Variants in MTCL3 observed in about 807,000 individuals in gnomAD.
MTCL3 encodes the protein microtubule cross-linking factor 3.
At chr6:127,475,993 T>C in the MTCL3 span, 4 of 1,610,944 alleles carry the variant, frequency 2.5e-6, no homozygotes, top group Non-Finnish European at 3.4e-6. The surrounding 1 kb of genome is among the most constrained non-coding windows in gnomAD (Gnocchi z 7.3). Context: ...CTTGTACTTG[T>C]TGAGCTCCGC....
At chr6:127,515,703 G>C in the MTCL3 span, 2 of 1,573,152 alleles carry the variant, frequency 1.3e-6, no homozygotes, top group East Asian at 2.3e-5. The surrounding 1 kb of genome is among the most constrained non-coding windows in gnomAD (Gnocchi z 4.3). Flanking sequence ...CGGAGGCGAC[G>C]GCCAGGGTCT....
the MTCL3 span, among the ~76,000 whole-genome samples, chr6:127,499,718 T>C: frequency 6.6e-6 from 1 of 152,200 alleles, no homozygotes; most frequent in African/African-American, 2.4e-5. Context: ...TGCCCTGCTC[T>C]GTGCTCCAGG....
chr6:127,475,758 G>C, the MTCL3 span: 1 of 1,604,586 alleles, frequency 6.2e-7, no homozygotes, highest in Non-Finnish European at 8.5e-7. This position sits in a 1 kb window ranked among gnomAD's most constrained non-coding sequence, Gnocchi z 7.3. Flanking sequence ...TCTTGCCCGC[G>C]TCGCTCTCGG....
At chr6:127,515,798 C>T in the MTCL3 span, 3 of 1,608,816 alleles carry the variant, frequency 1.9e-6, no homozygotes, top group Non-Finnish European at 2.5e-6. This position sits in a 1 kb window ranked among gnomAD's most constrained non-coding sequence, Gnocchi z 4.3. Flanking sequence ...GCCGCGGCCG[C>T]CGCCGCTGCC....
At chr6:127,476,118 C>A in the MTCL3 span, 1 of 1,614,146 alleles carries the variant, frequency 6.2e-7, no homozygotes, top group Non-Finnish European at 8.5e-7. The surrounding 1 kb of genome is among the most constrained non-coding windows in gnomAD (Gnocchi z 4.4). Flanking sequence ...CGCTCTGCTC[C>A]CTCATGAGCG....
the MTCL3 span, among the ~76,000 whole-genome samples, chr6:127,487,565 C>A: frequency 6.6e-6 from 1 of 152,114 alleles, no homozygotes; most frequent in East Asian, 1.9e-4. Flanking sequence ...TTCCTCTTTT[C>A]CTTCTATTAC....
chr6:127,509,915 A>G, the MTCL3 span, among the ~76,000 whole-genome samples: 1 of 152,222 alleles, frequency 6.6e-6, no homozygotes, highest in East Asian at 1.9e-4. Context: ...ACATATTGTT[A>G]AACTACTTTT....
At chr6:127,497,433 G>A in the MTCL3 span, among the ~76,000 whole-genome samples, 7 of 152,152 alleles carry the variant, frequency 4.6e-5, no homozygotes, top group South Asian at 4.1e-4. Flanking sequence ...AAAAGACTTG[G>A]GAGCACCCAT....
At chr6:127,506,582 G>A in the MTCL3 span, among the ~76,000 whole-genome samples, 50 of 151,782 alleles carry the variant, frequency 3.3e-4, no homozygotes, top group Admixed American at 5.2e-4. Context: ...CCCCTCCCCC[G>A]TCTTTATTTA....
chr6:127,484,370 T>G, the MTCL3 span, among the ~76,000 whole-genome samples: 13 of 152,282 alleles, frequency 8.5e-5, no homozygotes, highest in East Asian at 5.8e-4. Context: ...GAAGAAGTTC[T>G]TTCTGTTGCT....
chr6:127,516,005 G>A, the MTCL3 span: 1 of 1,595,046 alleles, frequency 6.3e-7, no homozygotes, highest in Non-Finnish European at 8.5e-7. Flanking sequence ...CCCCTCTGCT[G>A]AGCGCGTACG....
the MTCL3 span, among the ~76,000 whole-genome samples, chr6:127,503,810 T>G: frequency 0.011 from 1,641 of 152,278 alleles, 18 homozygotes; most frequent in Non-Finnish European, 0.019. Context: ...TCTACTTCCT[T>G]TTCATCATGT....
chr6:127,503,170 T>A, the MTCL3 span, among the ~76,000 whole-genome samples: 3 of 152,298 alleles, frequency 2.0e-5, no homozygotes, highest in South Asian at 6.2e-4. Context: ...GCCTGAGTCC[T>A]TGCAGTGAGG....
the MTCL3 span, chr6:127,475,647 C>T: frequency 6.3e-7 from 1 of 1,594,346 alleles, no homozygotes; most frequent in South Asian, 1.1e-5. The surrounding 1 kb of genome is among the most constrained non-coding windows in gnomAD (Gnocchi z 7.3). Context: ...AGCGAGTGGG[C>T]GTGAGGCAGC....
the MTCL3 span, among the ~76,000 whole-genome samples, chr6:127,503,396 TG>T: frequency 6.6e-6 from 1 of 152,212 alleles, no homozygotes; most frequent in Admixed American, 6.5e-5. Context: ...ACTGCAGCCC[TG>T]GGGTAATTTT....
At chr6:127,475,459 A>C in the MTCL3 span, 1 of 1,613,416 alleles carries the variant, frequency 6.2e-7, no homozygotes, top group Non-Finnish European at 8.5e-7. The surrounding 1 kb of genome is among the most constrained non-coding windows in gnomAD (Gnocchi z 7.3). Context: ...CTCCTCGTCC[A>C]TGAGTCCGAA....
the MTCL3 span, chr6:127,516,185 C>A: frequency 8.4e-6 from 12 of 1,433,210 alleles, no homozygotes; most frequent in South Asian, 1.5e-5. Flanking sequence ...GGCGGCTCCT[C>A]GGGCGGTCCG....
At chr6:127,513,713 A>C in the MTCL3 span, among the ~76,000 whole-genome samples, 1 of 152,156 alleles carries the variant, frequency 6.6e-6, no homozygotes, top group Non-Finnish European at 1.5e-5. Flanking sequence ...CTTAGGACAC[A>C]GGTTGTGATT....
At chr6:127,510,656 C>T in the MTCL3 span, among the ~76,000 whole-genome samples, 2 of 152,104 alleles carry the variant, frequency 1.3e-5, no homozygotes, top group East Asian at 1.9e-4. Flanking sequence ...GGTAATCAAG[C>T]GAAGTTTGTT....
Sources: gnomAD v4.1 joint callset for allele counts (sites outside exome capture counted in the v4.1 genomes callset) on GRCh38, gnomAD v4.1.1 for gene constraint, Gnocchi (gnomAD v3.1) non-coding constraint, MANE v1.5 for transcripts, NCBI Gene and HGNC (gene_info 2026-07-23, HGNC 2026-07-21) for gene names.